The following ATP9B variants were observed in gnomAD, a reference collection of about 807,000 sequenced individuals.
ATP9B encodes ATPase phospholipid transporting 9B, also known as probable phospholipid-transporting ATPase IIB.
A neutral mutation model predicts 146.1 loss-of-function variants in ATP9B; 110 were observed. That is an observed-to-expected ratio of 0.75 (90% confidence interval 0.65 to 0.88). The LOEUF is 0.88. Ranked by LOEUF, ATP9B falls within the 40% of genes least tolerant of loss-of-function variation. The pLI is 0.00. For missense variants in ATP9B, 1,499 were observed against 1,496.4 expected, an observed-to-expected ratio of 1.00 and a Z score of -0.03; for synonymous variants, 604 against 569.7, an observed-to-expected ratio of 1.06 and a Z score of -0.86.
intron 11 of ATP9B, among the ~76,000 whole-genome samples, chr18:79,232,722 G>A (rs2095803797): frequency 6.6e-6 from 1 of 152,166 alleles, no homozygotes; most frequent in Non-Finnish European, 1.5e-5. Flanking sequence ...GTTAAGGGCT[G>A]GAATAGAAGA....
At chr18:79,290,260 G>T (rs1243472160) in intron 13 of ATP9B, among the ~76,000 whole-genome samples, 1 of 152,210 alleles carries the variant, frequency 6.6e-6, no homozygotes, top group Non-Finnish European at 1.5e-5. Flanking sequence ...GAGCTGTGGT[G>T]GGCTCCACCC....
At chr18:79,338,472 C>T (rs2096839510) in intron 19 of ATP9B, among the ~76,000 whole-genome samples, 1 of 152,206 alleles carries the variant, frequency 6.6e-6, no homozygotes, top group African/African-American at 2.4e-5. Flanking sequence ...CCTGAACTCC[C>T]CAAGGCAGTG....
At chr18:79,173,946 G>A (rs553603554) in intron 7 of ATP9B, among the ~76,000 whole-genome samples, 6 of 152,208 alleles carry the variant, frequency 3.9e-5, no homozygotes, top group East Asian at 1.9e-4. Context: ...ATGGGTGGCC[G>A]GGTTCTTCAT....
intron 11 of ATP9B, among the ~76,000 whole-genome samples, chr18:79,249,498 C>G (rs2096002194): frequency 2.0e-5 from 3 of 152,128 alleles, no homozygotes; most frequent in Admixed American, 2.0e-4. Context: ...ATTACCTTTT[C>G]TTAAATAGTC....
At chr18:79,200,762 C>CTGTCGGG (rs376428579) in intron 9 of ATP9B, among the ~76,000 whole-genome samples, 6 of 26,788 alleles carry the variant, frequency 2.2e-4, no homozygotes, top group East Asian at 2.4e-3. Flanking sequence ...GAGGTGGGAA[C>CTGTCGGG]GTTGGGGTCA....
At chr18:79,097,596 A>T (rs1277393402) in intron 2 of ATP9B, among the ~76,000 whole-genome samples, 2 of 118,344 alleles carry the variant, frequency 1.7e-5, no homozygotes, top group Non-Finnish European at 3.2e-5. Flanking sequence ...TCATTGTTCA[A>T]TTCCCACCTA....
intron 6 of ATP9B, chr18:79,144,606 T>G (rs2094554894): frequency 6.6e-6 from 1 of 152,320 alleles, no homozygotes; most frequent in Non-Finnish European, 1.5e-5. Flanking sequence ...CCTCCTGCTG[T>G]GCAGCGCCAT....
intron 15 of ATP9B, among the ~76,000 whole-genome samples, chr18:79,316,028 A>G (rs1385719510): frequency 1.3e-5 from 2 of 152,226 alleles, no homozygotes; most frequent in African/African-American, 4.8e-5. Flanking sequence ...AGAGAAAAAT[A>G]TCTTAGGGAT....
rs187269096 is a variant in ATP9B at position 79,123,482 on chromosome 18, A to G, written c.559-2785A>G. Among the ~76,000 whole-genome samples, 4 of 152,312 alleles carry G rather than the reference A, an allele frequency of 2.6e-5. No individual in the cohort carries two copies. In the East Asian group the frequency reaches 7.7e-4, roughly 29 times the overall value. On this transcript the variant is annotated intron_variant, in intron 4 of 29. Transcript: ENST00000426216. Reference sequence around the variant, plus strand: ...ATGGCAGCACTCTCCAAACTGACACACAAATTTAATCCAACTCCTAACAGT... The same window carrying G: ...ATGGCAGCACTCTCCAAACTGACACGCAAATTTAATCCAACTCCTAACAGT...
intron 2 of ATP9B, 62 bp from the exon 3 acceptor site, chr18:79,110,293 T>C (rs2075919113): frequency 2.8e-6 from 4 of 1,432,328 alleles, no homozygotes; most frequent in Non-Finnish European, 3.7e-6. Context: ...TATGTACAAT[T>C]AGTTTGAACT....
intron 8 of ATP9B, among the ~76,000 whole-genome samples, chr18:79,187,138 G>A (rs2095315015): frequency 6.6e-6 from 1 of 152,240 alleles, no homozygotes; most frequent in Non-Finnish European, 1.5e-5. Flanking sequence ...CTTCAGTCCT[G>A]AACTTCATCC....
intron 13 of ATP9B, among the ~76,000 whole-genome samples, chr18:79,283,642 C>T (rs1363812454): frequency 6.6e-6 from 1 of 152,184 alleles, no homozygotes; most frequent in Admixed American, 6.5e-5. Flanking sequence ...GCTATAGTGA[C>T]ACATCTGTGG....
At chr18:79,147,600 C>G (rs2094612480) in intron 6 of ATP9B, among the ~76,000 whole-genome samples, 1 of 152,014 alleles carries the variant, frequency 6.6e-6, no homozygotes, top group South Asian at 2.1e-4. Context: ...TAGGTAGTCT[C>G]AAGGAAACAA....
intron 5 of ATP9B, among the ~76,000 whole-genome samples, chr18:79,135,794 T>TA (rs1230261552): frequency 6.6e-6 from 1 of 152,220 alleles, no homozygotes; most frequent in Non-Finnish European, 1.5e-5. Flanking sequence ...GAATTATACT[T>TA]ACGAATATCC....
rs540267583 is a variant in ATP9B, at chr18:79,134,460, A to AT, written c.667+8085_667+8086insT. Among the ~76,000 whole-genome samples the AT allele has an allele frequency of 7.4e-4, 113 of 152,258 alleles. 1 individual carries two copies. The highest frequency in any genetic ancestry group is 2.6e-3 in the African/African-American group (107 of 41,546). On this transcript the variant is annotated intron_variant, in intron 5 of 29. Coordinates refer to ENST00000426216, the MANE Select transcript of ATP9B (RefSeq NM_198531.5). Reference sequence around the variant, plus strand: ...AGCTTGGGGTCCTGGTTTCCCCCAGAGTAAGTAGAGTCATTGGCATGGCAT... The same window carrying AT: ...AGCTTGGGGTCCTGGTTTCCCCCAGATGTAAGTAGAGTCATTGGCATGGCAT...
intron 6 of ATP9B, chr18:79,144,077 C>T: frequency 2.8e-6 from 1 of 357,780 alleles, no homozygotes; most frequent in South Asian, 9.4e-5. Flanking sequence ...CATATTTTTT[C>T]TGAAATAAGA....
intron 4 of ATP9B, chr18:79,117,724 T>A (rs1347290656): frequency 6.6e-6 from 1 of 152,216 alleles, no homozygotes; most frequent in Non-Finnish European, 1.5e-5. Flanking sequence ...CACTGAAGTG[T>A]ATACAACAGA....
chr18:79,342,725 A>T, intron 20 of ATP9B, among the ~76,000 whole-genome samples: 1 of 152,140 alleles, frequency 6.6e-6, no homozygotes. Context: ...TTTTGCTTAT[A>T]CTATTAGTAT....
At chr18:79,258,820 T>TACA (rs1346527323) in intron 12 of ATP9B, among the ~76,000 whole-genome samples, 5 of 152,338 alleles carry the variant, frequency 3.3e-5, no homozygotes, top group African/African-American at 1.2e-4. Flanking sequence ...AGGATGCAGT[T>TACA]ACACAGGGTG....
Sources: allele counts gnomAD v4.1 joint callset (sites outside exome capture counted in the v4.1 genomes callset), GRCh38; gene constraint gnomAD v4.1.1; transcripts MANE v1.5; gene names NCBI Gene and HGNC (gene_info 2026-07-23, HGNC 2026-07-21).